Variants in FOXP1 observed in about 807,000 individuals in gnomAD.
FOXP1 encodes forkhead box P1, also known as forkhead box protein P1.
A neutral mutation model predicts 98.2 loss-of-function variants in FOXP1; 15 were observed. That is an observed-to-expected ratio of 0.15 (90% CI 0.10 to 0.24). The LOEUF is 0.24. Among genes scored for constraint, FOXP1 ranks in the 10% least tolerant of loss-of-function variants. FOXP1 has a pLI of 1.00. For missense variants in FOXP1, 633 were observed against 848.5 expected, an observed-to-expected ratio of 0.75 and a Z score of 3.15; for synonymous variants, 371 against 314.5, an observed-to-expected ratio of 1.18 and a Z score of -1.90.
chr3:71,320,522 T>C (rs2107665462), intron 4 of FOXP1, among the ~76,000 whole-genome samples: 1 of 152,138 alleles, frequency 6.6e-6, no homozygotes, highest in East Asian at 1.9e-4. Flanking sequence ...TACCACTTCC[T>C]CCAAGAAGTC....
At chr3:71,130,355 G>A (rs901399234) in intron 6 of FOXP1, 10 of 738,306 alleles carry the variant, frequency 1.4e-5, no homozygotes, top group African/African-American at 8.8e-5. Context: ...CTGATGGAGA[G>A]AGGAGGGAAG....
At chr3:71,000,629 G>A (rs1241874684) in intron 13 of FOXP1, among the ~76,000 whole-genome samples, 1 of 151,680 alleles carries the variant, frequency 6.6e-6, no homozygotes, top group East Asian at 1.9e-4. Flanking sequence ...CAGATAACCA[G>A]AAAATGCAAA....
chr3:70,996,503 G>A (rs1054795399), intron 13 of FOXP1, among the ~76,000 whole-genome samples: 4 of 152,166 alleles, frequency 2.6e-5, no homozygotes, highest in African/African-American at 9.7e-5. Context: ...ATCCCCTATG[G>A]CTAACAGTAG....
intron 5 of FOXP1, among the ~76,000 whole-genome samples, chr3:71,287,944 G>A (rs532392707): frequency 1.3e-5 from 2 of 151,906 alleles, no homozygotes; most frequent in East Asian, 3.9e-4. Context: ...GCAATGGCAC[G>A]ATCTTGGCTC....
In FOXP1 at chr3:71,373,759, A is replaced by T. The variant is rs114562545; in HGVS notation, c.-167-14515T>A. On this transcript the variant is annotated intron_variant, in intron 3 of 20. Transcript: ENST00000649528. The stretch of plus-strand genomic sequence containing the variant: ...AGTCCACATGCTTGTTGAGCCTATG[A>T]ATGTTTCTGGACACGCATCTTAGGT... Among the ~76,000 whole-genome samples the T allele has an allele frequency of 3.0e-3, 453 of 152,262 alleles. 1 individual carries two copies. The highest frequency in any genetic ancestry group is 0.014 in the Middle Eastern group (4 of 294).
At chr3:71,115,814 G>A (rs71298370) in intron 6 of FOXP1, among the ~76,000 whole-genome samples, 8,294 of 145,052 alleles carry the variant, frequency 0.057, 302 homozygotes, top group Non-Finnish European at 0.086. Context: ...TCGGTTCACT[G>A]CAACCTCTGC....
Position 71,114,300 on chromosome 3 carries a change from C to T in FOXP1, c.181-1663G>A, listed in dbSNP as rs1405785594. ...AATGGAAGAGAGGTAAGGGGGCCTG[C>T]GTGTCCCTGTGCCTGGAACTCAGAA... On this transcript the variant is annotated intron_variant, in intron 6 of 20. Transcript: ENST00000649528. 7.2e-5 allele frequency among the ~76,000 whole-genome samples: 11 copies of T among 152,270 alleles called. No individual in the cohort carries two copies. In the East Asian group the frequency reaches 1.2e-3, roughly 16 times the overall value.
intron 4 of FOXP1, among the ~76,000 whole-genome samples, chr3:71,340,767 T>C (rs1208787702): frequency 6.6e-6 from 1 of 152,148 alleles, no homozygotes; most frequent in East Asian, 1.9e-4. Flanking sequence ...CAATCCCTCA[T>C]CTCTCTTTAC....
chr3:71,516,749 G>A (rs1009453715), intron 2 of FOXP1, among the ~76,000 whole-genome samples: 42 of 152,272 alleles, frequency 2.8e-4, no homozygotes, highest in African/African-American at 9.9e-4. Context: ...GGGAGGCTGA[G>A]GCAGGAGAAT....
Position 70,958,274 on chromosome 3 carries a change from G to A in FOXP1, c.*973C>T. 7.5e-6 allele frequency: 4 copies of A among 534,810 alleles called. No individual in the cohort carries two copies. The highest frequency in any genetic ancestry group is 3.9e-5 in the East Asian group (1 of 25,596). The allele number at this position is 534,810 out of a possible 1,614,324, so 33.1% of individuals were successfully genotyped here. On this transcript the variant is annotated 3_prime_UTR_variant, in exon 21 of 21. Coordinates refer to ENST00000649528, the MANE Select transcript of FOXP1 (RefSeq NM_001349338.3). ...CCCGAACCACCCCCAATACTGCTGC[G>A]TGGAATGAATCGGCATTGTTCCTAG...
intron 9 of FOXP1, among the ~76,000 whole-genome samples, chr3:71,048,925 C>G (rs1200533715): frequency 2.6e-5 from 4 of 151,888 alleles, no homozygotes; most frequent in Non-Finnish European, 5.9e-5. Context: ...GTGGCCATCC[C>G]TAGGAAAAAG....
chr3:71,446,718 A>G (rs910669975), intron 3 of FOXP1, among the ~76,000 whole-genome samples: 1 of 152,246 alleles, frequency 6.6e-6, no homozygotes, highest in Non-Finnish European at 1.5e-5. Context: ...ATGTTTCTCT[A>G]TGGATCCCAT....
At chr3:70,960,841 ATTTT>A (rs549719513) in intron 20 of FOXP1, among the ~76,000 whole-genome samples, 1 of 137,242 alleles carries the variant, frequency 7.3e-6, no homozygotes. Context: ...TAAAAAAATA[ATTTT>A]TTTTTTTTTT....
Position 71,148,262 on chromosome 3 carries a change from AG to A in FOXP1, c.181-35626del, listed in dbSNP as rs1356321830. ...CATGGTGACAGGCACCTGTAATCCC[AG>A]ATACTCAGGAGGCTGAGGCAAGAGA... is the stretch of plus-strand genomic sequence containing the variant. On this transcript the variant is annotated intron_variant, in intron 6 of 20. Transcript: ENST00000649528. 3.3e-5 allele frequency among the ~76,000 whole-genome samples: 5 copies of A among 152,162 alleles called. No individual in the cohort carries two copies. The East Asian group carries it at 7.7e-4, about 23-fold the overall frequency.
At chr3:71,059,193 T>G (rs747806978) in intron 7 of FOXP1, among the ~76,000 whole-genome samples, 1 of 151,936 alleles carries the variant, frequency 6.6e-6, no homozygotes, top group Non-Finnish European at 1.5e-5. Context: ...AGAAAGGCTA[T>G]CTTTCTTTCA....
rs894189296 is a variant in FOXP1, at chr3:71,554,079, G to A, written c.-298+27470C>T. Among the ~76,000 whole-genome samples the A allele has an allele frequency of 2.6e-5, 4 of 152,210 alleles. No individual in the cohort carries two copies. The East Asian group carries it at 5.8e-4, about 22-fold the overall frequency. On this transcript the variant is annotated intron_variant, in intron 2 of 20. Coordinates refer to ENST00000649528, the MANE Select transcript of FOXP1 (RefSeq NM_001349338.3). ...AATTCAAATTTAGGCTGGATACAGC[G>A]GCTCACACCTATAATCCCAACCTTT...
intron 6 of FOXP1, among the ~76,000 whole-genome samples, chr3:71,196,224 C>T (rs553318232): frequency 6.6e-6 from 1 of 152,082 alleles, no homozygotes; most frequent in Non-Finnish European, 1.5e-5. Context: ...GTGTCAATAA[C>T]CCATAACAAC....
At chr3:71,558,331 G>C (rs970943253) in intron 2 of FOXP1, among the ~76,000 whole-genome samples, 8 of 152,188 alleles carry the variant, frequency 5.3e-5, no homozygotes, top group African/African-American at 9.7e-5. Flanking sequence ...CCCACCCCCA[G>C]AGGTGGACCA....
At chr3:71,520,771 T>C (rs540405339) in intron 2 of FOXP1, among the ~76,000 whole-genome samples, 200 of 152,314 alleles carry the variant, frequency 1.3e-3, no homozygotes, top group Non-Finnish European at 2.2e-3. Flanking sequence ...GACAAGTCAA[T>C]TGAAATTTTC....
Sources: gnomAD v4.1 joint callset for allele counts (sites outside exome capture counted in the v4.1 genomes callset) on GRCh38, gnomAD v4.1.1 for gene constraint, MANE v1.5 for transcripts, NCBI Gene and HGNC (gene_info 2026-07-23, HGNC 2026-07-21) for gene names.